XAF1: variants seen among roughly 807,000 people sequenced by gnomAD.
The protein encoded by XAF1 is XIAP associated factor 1, also known as XIAP-associated factor 1.
Under a neutral mutation model 32.3 loss-of-function variants are expected in XAF1, and 32 were observed. That is an observed-to-expected ratio of 0.99 (90% confidence interval 0.75 to 1.33). XAF1 has a LOEUF of 1.33. Ranked by LOEUF, XAF1 falls within the 40% of genes most tolerant of loss-of-function variation. XAF1 has a pLI of 0.00. For synonymous variants in XAF1, 120 were observed against 125.9 expected, an observed-to-expected ratio of 0.95 and a Z score of 0.31; for missense variants, 379 against 366.0, an observed-to-expected ratio of 1.04 and a Z score of -0.29.
intron 5 of XAF1, among the ~76,000 whole-genome samples, chr17:6,764,400 C>G (rs1469668321): frequency 6.6e-6 from 1 of 152,090 alleles, no homozygotes; most frequent in Non-Finnish European, 1.5e-5. Flanking sequence ...CTACACTGCT[C>G]CAGCAATTCT....
At chr17:6,772,283 G>T (rs189569513) in intron 6 of XAF1, among the ~76,000 whole-genome samples, 76 of 152,086 alleles carry the variant, frequency 5.0e-4, no homozygotes, top group Non-Finnish European at 3.7e-4. Flanking sequence ...GAGAAACAAA[G>T]AATTGTTTTT....
At chr17:6,770,498 G>A in intron 5 of XAF1, 145 bp from the exon 6 acceptor site, 1 of 669,060 alleles carries the variant, frequency 1.5e-6, no homozygotes, top group Non-Finnish European at 2.4e-6. Context: ...TGCAAAGCCA[G>A]CTATTAAATT....
At chr17:6,765,789 CT>C (rs1975575629) in intron 5 of XAF1, among the ~76,000 whole-genome samples, 1 of 152,206 alleles carries the variant, frequency 6.6e-6, no homozygotes, top group Non-Finnish European at 1.5e-5. Context: ...ACCTTGCCCC[CT>C]ACAGTCTATT....
intron 1 of XAF1, among the ~76,000 whole-genome samples, chr17:6,756,896 G>T (rs1209615737): frequency 1.3e-5 from 2 of 152,106 alleles, no homozygotes; most frequent in Non-Finnish European, 2.9e-5. Flanking sequence ...TCGTCCCCTG[G>T]GCCTTTACGG....
chr17:6,760,873 G>T (rs543118034), intron 4 of XAF1, among the ~76,000 whole-genome samples: 1 of 152,284 alleles, frequency 6.6e-6, no homozygotes, highest in African/African-American at 2.4e-5. Flanking sequence ...CCATGGAGAA[G>T]GCTGGGCGGG....
At chr17:6,756,254 A>G in intron 1 of XAF1, 144 bp downstream of exon 1, 13 of 1,180,164 alleles carry the variant, frequency 1.1e-5, no homozygotes, top group African/African-American at 1.6e-5. Flanking sequence ...GTGGGCCCCA[A>G]GGGTAGGAGG....
At chr17:6,757,203 A>G (rs1974758023) in intron 1 of XAF1, among the ~76,000 whole-genome samples, 2 of 152,050 alleles carry the variant, frequency 1.3e-5, no homozygotes, top group Admixed American at 1.3e-4. Flanking sequence ...AGGTTTCACC[A>G]TGTTGGCCAG....
intron 1 of XAF1, among the ~76,000 whole-genome samples, chr17:6,756,587 G>T (rs1462981345): frequency 1.3e-5 from 2 of 152,036 alleles, no homozygotes; most frequent in Non-Finnish European, 2.9e-5. Context: ...CGGGAGGGGG[G>T]GCGCGGAATC....
Position 6,773,124 on chromosome 17 carries a change from G to T in XAF1, c.861G>T (p.Arg287=). The part of the protein sequence containing the change: ...PILNQHQEKC[R]WLASSKGKQV... ...TATCCATTTCTTAGGAGAAATGCCG[G>T]TGGTTAGCTTCATCAAAAGGAAAAC... Residue 287 remains arginine (R), a synonymous_variant, in exon 7 of 7, where the codon CGG becomes CGT. Coordinates refer to ENST00000361842, the MANE Select transcript of XAF1 (RefSeq NM_017523.5). 3 of 1,606,642 alleles carry T rather than the reference G, an allele frequency of 1.9e-6. No homozygotes were observed. In the South Asian group the frequency reaches 3.4e-5, roughly 18 times the overall value.
Position 6,761,721 on chromosome 17 carries a change from G to GCAACA in XAF1, c.422-411_422-407dup, listed in dbSNP as rs369358018. The GCAACA allele has an allele frequency of 1.6e-3, 1,138 of 727,266 alleles. 7 individuals carry two copies. Among genetic ancestry groups the GCAACA allele is most frequent in the African/African-American group, 0.014 (725 of 53,636 alleles). 45.1% of individuals were successfully genotyped at this position (727,266 alleles called of 1,614,324 possible). A position where few individuals can be genotyped will look rare whatever the true frequency, so the allele number is the denominator to read the frequency against. ...ACACAGTCTTCAACACAACTTCAGT[G>GCAACA]CAACACAACACAACACAACACAACA... On this transcript the variant is annotated intron_variant, in intron 4 of 6. Transcript: ENST00000361842.
intron 4 of XAF1, chr17:6,761,750 C>T (rs2151537787): frequency 9.9e-7 from 1 of 1,009,360 alleles, no homozygotes; most frequent in South Asian, 1.6e-5. Context: ...CACAACACAG[C>T]TTCAACACTG....
At chr17:6,756,136 A>C (rs1974633857) in intron 1 of XAF1, 26 bp downstream of exon 1, 1 of 1,613,758 alleles carries the variant, frequency 6.2e-7, no homozygotes, top group Admixed American at 1.7e-5. Context: ...CTCCAGCGGC[A>C]GACCCGGGCT....
chr17:6,772,488 T>TG (rs1976116773), intron 6 of XAF1, among the ~76,000 whole-genome samples: 1 of 147,346 alleles, frequency 6.8e-6, no homozygotes, highest in Admixed American at 6.8e-5. Flanking sequence ...TTTTTTTTTT[T>TG]GAGACAGAGT....
At chr17:6,756,614 C>G (rs897157946) in intron 1 of XAF1, among the ~76,000 whole-genome samples, 13 of 152,142 alleles carry the variant, frequency 8.5e-5, no homozygotes, top group Admixed American at 5.9e-4. Context: ...ATCAAAAAGC[C>G]CCATTCTCAA....
chr17:6,768,558 T>C (rs1383384621), intron 5 of XAF1, among the ~76,000 whole-genome samples: 2 of 152,214 alleles, frequency 1.3e-5, no homozygotes, highest in African/African-American at 2.4e-5. Context: ...GTAGTAAATC[T>C]TTAGTTGCCT....
chr17:6,761,955 C>T, intron 4 of XAF1, 200 bp from the exon 5 acceptor site: 1 of 1,525,660 alleles, frequency 6.6e-7, no homozygotes, highest in Non-Finnish European at 8.8e-7. Context: ...CATCTGTGGC[C>T]ATAAAGGAAA....
At position 6,760,991 on chromosome 17, in the gene XAF1, C is replaced by T. The variant is rs143421139; in HGVS notation, c.421+390C>T. Among the ~76,000 whole-genome samples the T allele has an allele frequency of 7.6e-3, 1,161 of 152,172 alleles. 19 individuals are homozygous for T. The highest frequency in any genetic ancestry group is 0.027 in the African/African-American group (1,105 of 41,534). On this transcript the variant is annotated intron_variant, in intron 4 of 6. Transcript: ENST00000361842. ...CCAACATGGAGAAACCCCGTCTCTA[C>T]TAAAAATACAAAATTAGCCGGGCGT...
At chr17:6,757,959 T>A in intron 1 of XAF1, 130 bp from the exon 2 acceptor site, 1 of 1,241,268 alleles carries the variant, frequency 8.1e-7, no homozygotes. Context: ...GTGGGGCAGG[T>A]GGTGTCATCA....
Position 6,759,731 on chromosome 17 carries a change from T to A in XAF1, c.225+13T>A. 1 of 1,613,910 alleles carries A rather than the reference T, an allele frequency of 6.2e-7. No homozygotes were observed. Among genetic ancestry groups the A allele is most frequent in the East Asian group, 2.2e-5 (1 of 44,872 alleles). On this transcript the variant is annotated intron_variant, in intron 3 of 6. Transcript: ENST00000361842. Reference sequence around the variant, plus strand: ...GGAGTTTCATAAGGTAAGAGCCCCATGTGATTTCTCCTTTACAGCCAAATA... The same window carrying A: ...GGAGTTTCATAAGGTAAGAGCCCCAAGTGATTTCTCCTTTACAGCCAAATA...
Sources: gnomAD v4.1 joint callset for allele counts (sites outside exome capture counted in the v4.1 genomes callset) on GRCh38, gnomAD v4.1.1 for gene constraint, MANE v1.5 for transcripts, NCBI Gene and HGNC (gene_info 2026-07-23, HGNC 2026-07-21) for gene names.